The following RAB10 variants were observed in gnomAD, a reference collection of about 807,000 sequenced individuals.
The protein encoded by RAB10 is RAB10, member RAS oncogene family.
RAB10 carries 5 observed loss-of-function variants against 25.7 expected under a neutral mutation model. The ratio of observed to expected loss-of-function variants is 0.19; its 90% CI spans 0.10 to 0.41. The LOEUF is 0.41. Ranked by LOEUF, RAB10 falls within the 10% of genes least tolerant of loss-of-function variation. The pLI is 1.00. For missense variants in RAB10, 103 were observed against 245.8 expected, an observed-to-expected ratio of 0.42 and a Z score of 3.89; for synonymous variants, 89 against 86.4, an observed-to-expected ratio of 1.03 and a Z score of -0.16.
intron 2 of RAB10, among the ~76,000 whole-genome samples, chr2:26,099,342 T>A (rs117649462): frequency 2.0e-5 from 3 of 152,200 alleles, no homozygotes; most frequent in East Asian, 3.9e-4. Context: ...AAGTGTAAAA[T>A]TTGTTAAGTT....
chr2:26,037,429 G>A (rs907583037), intron 1 of RAB10, among the ~76,000 whole-genome samples: 4 of 151,906 alleles, frequency 2.6e-5, no homozygotes, highest in South Asian at 2.1e-4. Flanking sequence ...ACCTGAGGTC[G>A]GAAGTTCGAG....
At chr2:26,127,294 ATTATTT>A (rs765423600) in intron 4 of RAB10, 61 bp downstream of exon 4, 5 of 1,232,882 alleles carry the variant, frequency 4.1e-6, no homozygotes, top group Non-Finnish European at 5.8e-6. Context: ...GCTACTTTTG[ATTATTT>A]TTATAGTAAT....
chr2:26,037,455 A>G (rs973055180), intron 1 of RAB10, among the ~76,000 whole-genome samples: 5 of 152,078 alleles, frequency 3.3e-5, no homozygotes, highest in African/African-American at 4.8e-5. Flanking sequence ...CCTGATCAAC[A>G]TGGAGAAACC....
intron 2 of RAB10, among the ~76,000 whole-genome samples, chr2:26,107,832 C>T (rs1559595135): frequency 6.7e-6 from 1 of 150,130 alleles, no homozygotes; most frequent in Non-Finnish European, 1.5e-5. Context: ...ACTAACAATC[C>T]AATTAGAAAA....
chr2:26,045,541 C>CT (rs113982969), intron 1 of RAB10, among the ~76,000 whole-genome samples: 1 of 152,064 alleles, frequency 6.6e-6, no homozygotes, highest in Non-Finnish European at 1.5e-5. Context: ...GCCCGGCCGT[C>CT]TAACAGTAGA....
chr2:26,132,965 C>G lies in RAB10; in HGVS notation c.520-1973C>G, dbSNP rs560877489. Among the ~76,000 whole-genome samples the G allele has an allele frequency of 3.9e-5, 6 of 151,968 alleles. No homozygotes were observed. The East Asian group carries it at 1.2e-3, about 29-fold the overall frequency. On this transcript the variant is annotated intron_variant, in intron 5 of 5. Transcript: ENST00000264710. ...CCCTTTTTCTTCTTTACATTTTTCTCAAAGATCTGTATTAGGAGCAAAGTC... is the reference window on the plus strand; with the variant it reads ...CCCTTTTTCTTCTTTACATTTTTCTGAAAGATCTGTATTAGGAGCAAAGTC...
At chr2:26,081,041 G>C (rs1026428247) in intron 1 of RAB10, among the ~76,000 whole-genome samples, 2 of 152,128 alleles carry the variant, frequency 1.3e-5, no homozygotes. Flanking sequence ...CATGGGGACG[G>C]GTCTTTCCTG....
chr2:26,102,547 T>C (rs1476628498), intron 2 of RAB10, among the ~76,000 whole-genome samples: 1 of 151,598 alleles, frequency 6.6e-6, no homozygotes, highest in African/African-American at 2.4e-5. Context: ...CATGCCATTC[T>C]CCTGCCTCAG....
At chr2:26,038,515 A>G (rs1665814430) in intron 1 of RAB10, among the ~76,000 whole-genome samples, 1 of 151,974 alleles carries the variant, frequency 6.6e-6, no homozygotes, top group South Asian at 2.1e-4. Context: ...ACATTTTCAT[A>G]CTTTCAGGTA....
intron 3 of RAB10, among the ~76,000 whole-genome samples, chr2:26,116,584 T>G (rs563096608): frequency 7.2e-6 from 1 of 139,082 alleles, no homozygotes; most frequent in African/African-American, 2.6e-5. Context: ...TGAGACGCAG[T>G]CTTGCTCTGT....
At chr2:26,115,810 G>C (rs1020945908) in intron 3 of RAB10, among the ~76,000 whole-genome samples, 3 of 151,070 alleles carry the variant, frequency 2.0e-5, no homozygotes, top group African/African-American at 4.9e-5. Flanking sequence ...AATTACAGTT[G>C]ACCCTTGAAC....
chr2:26,084,164 T>A (rs1666929679), intron 1 of RAB10, among the ~76,000 whole-genome samples: 1 of 152,196 alleles, frequency 6.6e-6, no homozygotes, highest in Admixed American at 6.5e-5. Flanking sequence ...CCTGTTCCCT[T>A]ACCTTAAGGT....
chr2:26,109,644 TATTA>T (rs927507806), intron 2 of RAB10, 120 bp from the exon 3 acceptor site: 1 of 978,572 alleles, frequency 1.0e-6, no homozygotes, highest in Non-Finnish European at 1.4e-6. Context: ...ATGGGTAGGT[TATTA>T]ATTTCCTTCA....
intron 1 of RAB10, among the ~76,000 whole-genome samples, chr2:26,044,567 T>G (rs1464969980): frequency 6.6e-6 from 1 of 151,004 alleles, no homozygotes; most frequent in African/African-American, 2.4e-5. Flanking sequence ...TTTTTTGAGA[T>G]AGAGTTTCAC....
chr2:26,085,591 C>T (rs1574544606), intron 1 of RAB10, among the ~76,000 whole-genome samples: 1 of 151,642 alleles, frequency 6.6e-6, no homozygotes, highest in East Asian at 1.9e-4. Flanking sequence ...TGCTCTAAAG[C>T]TTTTTAATAA....
chr2:26,134,732 A>G (rs750345375), intron 5 of RAB10, among the ~76,000 whole-genome samples: 2 of 152,250 alleles, frequency 1.3e-5, no homozygotes, highest in Non-Finnish European at 2.9e-5. Context: ...AAATGTCTAC[A>G]ATATTTCACA....
chr2:26,042,068 T>C (rs1273703095), intron 1 of RAB10, among the ~76,000 whole-genome samples: 6 of 152,180 alleles, frequency 3.9e-5, no homozygotes, highest in African/African-American at 1.2e-4. Flanking sequence ...GGGAATTACA[T>C]GGATTTGTCC....
chr2:26,047,487 C>T (rs1666038360), intron 1 of RAB10, among the ~76,000 whole-genome samples: 1 of 152,086 alleles, frequency 6.6e-6, no homozygotes, highest in Non-Finnish European at 1.5e-5. Flanking sequence ...ACAATCTCGG[C>T]TCACTGCAAC....
intron 1 of RAB10, among the ~76,000 whole-genome samples, chr2:26,046,274 G>A (rs977364131): frequency 1.8e-4 from 27 of 151,474 alleles, no homozygotes; most frequent in Admixed American, 1.5e-3. Context: ...GTGGTGAGCC[G>A]AGATCACGTC....
Sources: gnomAD v4.1 joint callset for allele counts (sites outside exome capture counted in the v4.1 genomes callset) on GRCh38, gnomAD v4.1.1 for gene constraint, MANE v1.5 for transcripts, NCBI Gene and HGNC (gene_info 2026-07-23, HGNC 2026-07-21) for gene names.